DIXDC1: variants seen among roughly 807,000 people sequenced by gnomAD.
DIXDC1 encodes DIX domain containing 1.
Under a neutral mutation model 103.1 loss-of-function variants are expected in DIXDC1, and 64 were observed. That is an observed-to-expected ratio of 0.62 (90% confidence interval 0.51 to 0.76). The LOEUF (loss-of-function observed/expected upper bound fraction) is 0.76. Ranked by LOEUF, DIXDC1 falls within the 30% of genes least tolerant of loss-of-function variation. The probability of loss-of-function intolerance (pLI) is 0.00; values close to 1 mark genes in which losing one functional copy is unlikely to be tolerated. For synonymous variants in DIXDC1, 266 were observed against 298.5 expected, an observed-to-expected ratio of 0.89 and a Z score of 1.12; for missense variants, 759 against 834.2, an observed-to-expected ratio of 0.91 and a Z score of 1.11.
At chr11:111,993,456 T>C in intron 12 of DIXDC1, 40 bp from the exon 13 acceptor site, 5 of 1,610,804 alleles carry the variant, frequency 3.1e-6, no homozygotes, top group Non-Finnish European at 4.2e-6. Context: ...TCAGTGTCCC[T>C]GGTTTTGCCG....
intron 9 of DIXDC1, among the ~76,000 whole-genome samples, chr11:111,987,506 A>G (rs587657204): frequency 1.3e-5 from 2 of 152,298 alleles, no homozygotes; most frequent in South Asian, 2.1e-4. Context: ...AAATGTATCT[A>G]ATACCAGTAC....
At chr11:111,975,492 G>T (rs1241399373) in intron 5 of DIXDC1, 111 of 992,806 alleles carry the variant, frequency 1.1e-4, no homozygotes, top group Non-Finnish European at 1.3e-4. Context: ...AACTAATGAT[G>T]TTTGCGACTC....
At chr11:112,003,513 T>C (rs1310692823) in intron 17 of DIXDC1, among the ~76,000 whole-genome samples, 1 of 151,658 alleles carries the variant, frequency 6.6e-6, no homozygotes, top group African/African-American at 2.4e-5. Context: ...AAAAGATAAA[T>C]GTAGGACAGG....
At chr11:111,962,188 A>G (rs1859602488) in intron 1 of DIXDC1, among the ~76,000 whole-genome samples, 1 of 152,144 alleles carries the variant, frequency 6.6e-6, no homozygotes, top group South Asian at 2.1e-4. Context: ...GAGACTTAAG[A>G]AGAGGCAGGT....
intron 17 of DIXDC1, among the ~76,000 whole-genome samples, chr11:112,014,885 ATT>A (rs1166168282): frequency 1.3e-5 from 2 of 150,828 alleles, no homozygotes; most frequent in Admixed American, 6.6e-5. Context: ...AATAATTGGC[ATT>A]CTTTTTTTTT....
intron 1 of DIXDC1, among the ~76,000 whole-genome samples, chr11:111,942,913 A>G (rs1187405728): frequency 6.6e-6 from 1 of 152,030 alleles, no homozygotes; most frequent in Non-Finnish European, 1.5e-5. Flanking sequence ...CACAAATTTA[A>G]TTTACTTTGA....
intron 2 of DIXDC1, among the ~76,000 whole-genome samples, chr11:111,932,113 C>T (rs1473821261): frequency 1.3e-5 from 2 of 149,696 alleles, no homozygotes; most frequent in African/African-American, 4.9e-5. Flanking sequence ...TCACTGCAAC[C>T]TCTGCCTCCC....
Position 111,937,466 on chromosome 11 carries a change from G to A in DIXDC1, c.-34G>A. Reference sequence around the variant, plus strand: ...AGGAGGCGGCGGCGGCCGCCGGGCTGGAGACCCCGCCCGGGGAGCCCCCAG... The same window carrying A: ...AGGAGGCGGCGGCGGCCGCCGGGCTAGAGACCCCGCCCGGGGAGCCCCCAG... On this transcript the variant is annotated 5_prime_UTR_variant, in exon 1 of 20. Transcript: ENST00000440460. 6.4e-7 allele frequency: 1 copy of A among 1,561,774 alleles called. No homozygotes were observed. The highest frequency in any genetic ancestry group is 8.7e-7 in the Non-Finnish European group (1 of 1,153,642).
chr11:111,977,415 G>A lies in DIXDC1; in HGVS notation c.656+2432G>A. The A allele has an allele frequency of 1.7e-6, 2 of 1,165,456 alleles. No individual in the cohort carries two copies. Among genetic ancestry groups the A allele is most frequent in the Non-Finnish European group, 2.1e-6 (2 of 943,018 alleles). The allele number at this position is 1,165,456 out of a possible 1,614,324, so 72.2% of individuals were successfully genotyped here. On this transcript the variant is annotated intron_variant, in intron 5 of 19. Coordinates refer to ENST00000440460, the MANE Select transcript of DIXDC1 (RefSeq NM_001037954.4). This position sits in a 1 kb window ranked among gnomAD's most constrained non-coding sequence, Gnocchi z 6.1. ...GAGATGGGTTGAGATGCCCCCGCCAGGGGGGATGCCCGGCACCGTGCGTCC... is the reference window on the plus strand; with the variant it reads ...GAGATGGGTTGAGATGCCCCCGCCAAGGGGGATGCCCGGCACCGTGCGTCC...
chr11:111,937,328 C>T (rs1966238881), upstream of DIXDC1: 2 of 1,396,422 alleles, frequency 1.4e-6, no homozygotes, highest in African/African-American at 1.5e-5. Flanking sequence ...GCGAGCATGC[C>T]CAGTGCAAGC....
upstream of DIXDC1, among the ~76,000 whole-genome samples, chr11:111,934,798 A>G (rs1966142283): frequency 6.6e-6 from 1 of 152,210 alleles, no homozygotes; most frequent in Admixed American, 6.5e-5. Context: ...TGCTTTTTCC[A>G]AATGTGAGAG....
intron 1 of DIXDC1, among the ~76,000 whole-genome samples, chr11:111,938,916 A>AAC (rs1220626183): frequency 3.9e-5 from 6 of 152,208 alleles, no homozygotes; most frequent in African/African-American, 1.4e-4. Context: ...TTCCTGTCTG[A>AAC]ACACACGTAA....
intron 17 of DIXDC1, among the ~76,000 whole-genome samples, chr11:112,001,288 C>T (rs1157963669): frequency 6.6e-6 from 1 of 152,118 alleles, no homozygotes; most frequent in Non-Finnish European, 1.5e-5. Flanking sequence ...AGCCAGATGC[C>T]AGGGTCAGGA....
intron 1 of DIXDC1, among the ~76,000 whole-genome samples, chr11:111,941,837 T>TACAC (rs10635444): frequency 0.28 from 39,105 of 139,026 alleles, 5,330 homozygotes; most frequent in East Asian, 0.46. Flanking sequence ...CGAAACAAAA[T>TACAC]ACACACACAC....
intron 10 of DIXDC1, among the ~76,000 whole-genome samples, chr11:111,990,590 T>C (rs1860677357): frequency 6.6e-6 from 1 of 152,222 alleles, no homozygotes; most frequent in African/African-American, 2.4e-5. Context: ...TAGTATTCCA[T>C]TGTATTCCAC....
chr11:111,931,418 G>A (rs587774014), intron 2 of DIXDC1, among the ~76,000 whole-genome samples: 10 of 152,254 alleles, frequency 6.6e-5, no homozygotes, highest in East Asian at 5.8e-4. Flanking sequence ...GGGAGGCTGA[G>A]GGGGGTGGAT....
Position 111,977,929 on chromosome 11 carries a change from G to T in DIXDC1, c.657-2808G>T, listed in dbSNP as rs1277850449. 2.3e-6 allele frequency: 3 copies of T among 1,283,344 alleles called. No individual in the cohort carries two copies. The highest frequency in any genetic ancestry group is 2.9e-5 in the East Asian group (1 of 34,482). The allele number at this position is 1,283,344 out of a possible 1,614,324, so 79.5% of individuals were successfully genotyped here. On this transcript the variant is annotated intron_variant, in intron 5 of 19. Coordinates refer to ENST00000440460, the MANE Select transcript of DIXDC1 (RefSeq NM_001037954.4). This position sits in a 1 kb window ranked among gnomAD's most constrained non-coding sequence, Gnocchi z 6.1. Reference sequence around the variant, plus strand: ...TGGGAGGACCGGCTGCTGACCAGGGGTTATCACTATAAAATACGGTGGGCG... The same window carrying T: ...TGGGAGGACCGGCTGCTGACCAGGGTTTATCACTATAAAATACGGTGGGCG...
chr11:111,948,892 C>G (rs1555169614), intron 1 of DIXDC1, among the ~76,000 whole-genome samples: 1 of 152,156 alleles, frequency 6.6e-6, no homozygotes, highest in African/African-American at 2.4e-5. Flanking sequence ...CATGATACCT[C>G]CCATTTCCTC....
chr11:111,980,846 A>G lies in DIXDC1; in HGVS notation c.766A>G (p.Thr256Ala). The G allele has an allele frequency of 6.2e-7, 1 of 1,612,620 alleles. No homozygotes were observed. The highest frequency in any genetic ancestry group is 8.5e-7 in the Non-Finnish European group (1 of 1,178,656). Reference sequence around the variant, plus strand: ...TCCCGCTGAAGGAATAGAGAACAGAACAGGTACTATCTCTACGCCTGCCTG... The same window carrying G: ...TCCCGCTGAAGGAATAGAGAACAGAGCAGGTACTATCTCTACGCCTGCCTG... The part of the protein sequence containing the change: ...IIPAEGIENR[T>A]EGTDSPLSRD... The change falls in exon 6 of 20, where the codon ACA becomes GCA. Residue 256 changes from threonine to alanine, a missense_variant. Around this residue, in one of 3 missense-constraint regions of DIXDC1, gnomAD observed 657 missense variants for 727.5 expected, o/e 0.90. Coordinates refer to ENST00000440460, the MANE Select transcript of DIXDC1 (RefSeq NM_001037954.4).
Sources: gnomAD v4.1 joint callset for allele counts (sites outside exome capture counted in the v4.1 genomes callset) on GRCh38, gnomAD v4.1.1 for gene constraint, gnomAD v4.1.1 regional missense constraint, Gnocchi (gnomAD v3.1) non-coding constraint, MANE v1.5 for transcripts, NCBI Gene and HGNC (gene_info 2026-07-23, HGNC 2026-07-21) for gene names.